Variants in EPHB2 observed in about 807,000 individuals in gnomAD.
EPHB2 encodes the protein ephrin type-B receptor 2.
A neutral mutation model predicts 96.4 loss-of-function variants in EPHB2; 18 were observed. That is an observed-to-expected ratio of 0.19 (90% confidence interval 0.13 to 0.28). The LOEUF is 0.28. Among genes scored for constraint, EPHB2 ranks in the 10% least tolerant of loss-of-function variants. EPHB2 has a pLI of 1.00. For synonymous variants in EPHB2, 506 were observed against 534.1 expected (o/e 0.95, Z 0.72); for missense variants, 989 against 1,355.4 (o/e 0.73, Z 4.25).
At chr1:22,819,866 A>AC (rs1645128898) in intron 3 of EPHB2, among the ~76,000 whole-genome samples, 1 of 147,858 alleles carries the variant, frequency 6.8e-6, no homozygotes, top group Non-Finnish European at 1.5e-5. Context: ...TGTCTTAACC[A>AC]CCCCCTCAGG....
At chr1:22,753,399 A>G (rs1045812411) in intron 1 of EPHB2, among the ~76,000 whole-genome samples, 4 of 152,146 alleles carry the variant, frequency 2.6e-5, no homozygotes, top group African/African-American at 4.8e-5. Context: ...CTCTTGTCAC[A>G]TGATCACGAG....
At chr1:22,896,787 G>C (rs1250851434) in intron 9 of EPHB2, among the ~76,000 whole-genome samples, 1 of 152,186 alleles carries the variant, frequency 6.6e-6, no homozygotes, top group African/African-American at 2.4e-5. Flanking sequence ...CTGCATCTGT[G>C]CTCGCAGGCT....
chr1:22,911,530 A>T (rs309495), intron 14 of EPHB2, among the ~76,000 whole-genome samples: 1 of 151,948 alleles, frequency 6.6e-6, no homozygotes, highest in Non-Finnish European at 1.5e-5. Flanking sequence ...AGGGGTGTTC[A>T]CTTGGGGACC....
intron 3 of EPHB2, among the ~76,000 whole-genome samples, chr1:22,794,399 T>C (rs1324731437): frequency 6.6e-6 from 1 of 152,098 alleles, no homozygotes; most frequent in Non-Finnish European, 1.5e-5. Context: ...TTCCCCACCC[T>C]GGCTGACCTC....
chr1:22,767,434 C>T (rs1464137912), intron 1 of EPHB2, among the ~76,000 whole-genome samples: 3 of 152,232 alleles, frequency 2.0e-5, no homozygotes, highest in Non-Finnish European at 4.4e-5. Flanking sequence ...TTGCAGCCAA[C>T]TTGCAGGGAT....
In EPHB2 at chr1:22,781,494, G is replaced by T. The variant is rs557260039; in HGVS notation, c.126+9G>T. On this transcript the variant is annotated intron_variant, in intron 2 of 15. Transcript: ENST00000374630. The stretch of plus-strand genomic sequence containing the variant: ...TGCATCCTCCATCAGGGGTGAGTCA[G>T]TGGTCCCCAAACCTTGCATTGGTCC... 2.5e-6 allele frequency: 4 copies of T among 1,613,880 alleles called. No individual in the cohort carries two copies. In the South Asian group the frequency reaches 4.4e-5, roughly 18 times the overall value.
intron 1 of EPHB2, among the ~76,000 whole-genome samples, chr1:22,722,642 C>A (rs1643492796): frequency 6.6e-6 from 1 of 152,204 alleles, no homozygotes; most frequent in African/African-American, 2.4e-5. Flanking sequence ...CAGGCATCTG[C>A]CATGTTTGAA....
rs1643767881 is a variant in EPHB2, at chr1:22,733,853, T to C, written c.61+22810T>C. On this transcript the variant is annotated intron_variant, in intron 1 of 15. Coordinates refer to ENST00000374630, the MANE Select transcript of EPHB2 (RefSeq NM_017449.5). This position sits in a 1 kb window ranked among gnomAD's most constrained non-coding sequence, Gnocchi z 4.6. ...GATTTGGTGGGGACAGAGCTAGAAG[T>C]TGAACCCGGGACTGGATTCTTGACC... 6.6e-6 allele frequency among the ~76,000 whole-genome samples: 1 copy of C among 151,892 alleles called. No homozygotes were observed. Among genetic ancestry groups the C allele is most frequent in the Non-Finnish European group, 1.5e-5 (1 of 67,992 alleles).
chr1:22,878,439 G>A (rs1177958516), intron 5 of EPHB2, among the ~76,000 whole-genome samples: 1 of 152,238 alleles, frequency 6.6e-6, no homozygotes, highest in African/African-American at 2.4e-5. Flanking sequence ...CCATTAAGCT[G>A]CAAGTCCCTG....
chr1:22,912,465 C>T lies in EPHB2; in HGVS notation c.2718C>T (p.Asp906=). The part of the protein sequence containing the change: ...LSSGINLPLL[D]RTIPDYTSFN... ...CCAGCATCAACCTGCCGCTGCTGGACCGCACGATCCCCGACTACACCAGCT... is the reference window on the plus strand; with the variant it reads ...CCAGCATCAACCTGCCGCTGCTGGATCGCACGATCCCCGACTACACCAGCT... Residue 906 remains aspartate, a synonymous_variant, in exon 15 of 16, where the codon GAC becomes GAT. Coordinates refer to ENST00000374630, the MANE Select transcript of EPHB2 (RefSeq NM_017449.5). 2 of 1,614,112 alleles carry T rather than the reference C, an allele frequency of 1.2e-6. No homozygotes were observed. The highest frequency in any genetic ancestry group is 1.1e-5 in the South Asian group (1 of 91,084).
rs1045477910 is a variant in EPHB2, at chr1:22,844,941, GC to G, written c.812-18093del. On this transcript the variant is annotated intron_variant, in intron 3 of 15. Coordinates refer to ENST00000374630, the MANE Select transcript of EPHB2 (RefSeq NM_017449.5). The stretch of plus-strand genomic sequence containing the variant: ...GGCAGCAGGAGTAGACCCTGGCTCT[GC>G]CCACACCCGGATTTGTGTGCTCCTG... 6.8e-4 allele frequency among the ~76,000 whole-genome samples: 104 copies of G among 152,340 alleles called. 1 individual carries two copies. Among genetic ancestry groups the G allele is most frequent in the African/African-American group, 2.4e-3 (101 of 41,580 alleles).
rs1359875301 is a variant in EPHB2, at chr1:22,856,171, G to A, written c.812-6866G>A. On this transcript the variant is annotated intron_variant, in intron 3 of 15. Coordinates refer to ENST00000374630, the MANE Select transcript of EPHB2 (RefSeq NM_017449.5). ...CCTGGGAGGAGAGGGGGGAGCAGAG[G>A]CAGCAGGCCAGCCATTGAGGTTTTG... Among the ~76,000 whole-genome samples, 9 of 152,324 alleles carry A rather than the reference G, an allele frequency of 5.9e-5. No homozygotes were observed. The East Asian group carries it at 9.6e-4, about 16-fold the overall frequency.
chr1:22,855,106 C>T (rs1277109591), intron 3 of EPHB2, among the ~76,000 whole-genome samples: 2 of 152,224 alleles, frequency 1.3e-5, no homozygotes, highest in East Asian at 3.8e-4. Context: ...CAGGCAGCGC[C>T]TTCCTTGGAT....
At chr1:22,859,296 G>GT (rs1491218812) in intron 3 of EPHB2, among the ~76,000 whole-genome samples, 2 of 126,752 alleles carry the variant, frequency 1.6e-5, no homozygotes, top group African/African-American at 7.6e-5. Context: ...GGTGGGCCTG[G>GT]TGGGGGGGGG....
At chr1:22,884,653 A>G (rs921469027) in intron 6 of EPHB2, among the ~76,000 whole-genome samples, 22 of 149,768 alleles carry the variant, frequency 1.5e-4, no homozygotes, top group East Asian at 5.9e-4. Context: ...GAGGGAACCA[A>G]TGGGTGGCTG....
intron 5 of EPHB2, among the ~76,000 whole-genome samples, chr1:22,878,735 G>A (rs1037461750): frequency 2.0e-5 from 3 of 152,248 alleles, no homozygotes; most frequent in Non-Finnish European, 4.4e-5. Context: ...AGCTGCATAC[G>A]GGTCTGTTGG....
chr1:22,864,847 C>A, intron 4 of EPHB2, 30 bp from the exon 5 acceptor site: 2 of 1,502,394 alleles, frequency 1.3e-6, no homozygotes, highest in Non-Finnish European at 1.8e-6. Context: ...CCTGAGCCCC[C>A]CACTGACCAA....
intron 1 of EPHB2, among the ~76,000 whole-genome samples, chr1:22,719,153 C>T (rs1250757415): frequency 6.6e-6 from 1 of 152,150 alleles, no homozygotes; most frequent in Non-Finnish European, 1.5e-5. Context: ...ATGGAGACTA[C>T]GAAACAGTCA....
chr1:22,772,424 C>T (rs1448951573), intron 1 of EPHB2, among the ~76,000 whole-genome samples: 2 of 152,176 alleles, frequency 1.3e-5, no homozygotes, highest in South Asian at 2.1e-4. Flanking sequence ...TGAGAGTCCT[C>T]GGGCAGAAGG....
Sources: gnomAD v4.1 joint callset for allele counts (sites outside exome capture counted in the v4.1 genomes callset) on GRCh38, gnomAD v4.1.1 for gene constraint, Gnocchi (gnomAD v3.1) non-coding constraint, MANE v1.5 for transcripts, NCBI Gene and HGNC (gene_info 2026-07-23, HGNC 2026-07-21) for gene names.